RASAL2: variants seen among roughly 807,000 people sequenced by gnomAD.
RASAL2 encodes RAS protein activator like 2.
A neutral mutation model predicts 128.9 loss-of-function variants in RASAL2; 58 were observed. That is an observed-to-expected ratio of 0.45 (90% confidence interval 0.36 to 0.56). The LOEUF (loss-of-function observed/expected upper bound fraction) is 0.56. RASAL2 is among the 20% of genes least tolerant of loss of function. The pLI, the probability that RASAL2 is intolerant of heterozygous loss-of-function variation, is 0.00. For synonymous variants in RASAL2, 561 were observed against 580.8 expected (o/e 0.97, Z 0.49); for missense variants, 1,360 against 1,601.6 (o/e 0.85, Z 2.57).
chr1:178,163,815 T>C (rs1661420046), intron 1 of RASAL2, among the ~76,000 whole-genome samples: 1 of 152,166 alleles, frequency 6.6e-6, no homozygotes, highest in Non-Finnish European at 1.5e-5. Context: ...ATAAAACCAT[T>C]TGGGATTTTA....
chr1:178,280,776 G>T (rs928455184), intron 1 of RASAL2, among the ~76,000 whole-genome samples: 1 of 152,068 alleles, frequency 6.6e-6, no homozygotes, highest in African/African-American at 2.4e-5. Flanking sequence ...AGATTCTTCT[G>T]TGTGATTCTA....
At chr1:178,411,651 C>T in intron 4 of RASAL2, 1 of 805,758 alleles carries the variant, frequency 1.2e-6, no homozygotes. Flanking sequence ...TTGGTGTCTG[C>T]CATATCTTTG....
rs533342466 is a variant in RASAL2, at chr1:178,157,134, C to G, written c.202+62440C>G. On this transcript the variant is annotated intron_variant, in intron 1 of 17. Transcript: ENST00000367649. ...ATATATTGACTTCCTGAACTCTCTT[C>G]TGCATATGGAACTGAATTTTCCATG... Among the ~76,000 whole-genome samples, 3 of 152,300 alleles carry G rather than the reference C, an allele frequency of 2.0e-5. No individual in the cohort carries two copies. In the South Asian group the frequency reaches 6.2e-4, roughly 32 times the overall value.
intron 15 of RASAL2, among the ~76,000 whole-genome samples, chr1:178,464,887 A>G (rs948544698): frequency 3.2e-5 from 4 of 123,184 alleles, no homozygotes; most frequent in East Asian, 2.3e-4. Flanking sequence ...GTATAGCTCT[A>G]TAAATGACTG....
chr1:178,211,269 T>C (rs1663246031), intron 1 of RASAL2, among the ~76,000 whole-genome samples: 1 of 152,156 alleles, frequency 6.6e-6, no homozygotes, highest in Non-Finnish European at 1.5e-5. Context: ...CAGCTCTGAC[T>C]CCACTCTTAG....
intron 3 of RASAL2, among the ~76,000 whole-genome samples, chr1:178,381,228 G>A (rs1672264964): frequency 2.0e-5 from 3 of 152,142 alleles, no homozygotes; most frequent in Admixed American, 1.3e-4. Context: ...ATGTTTTAGG[G>A]AGATTAATCT....
intron 3 of RASAL2, among the ~76,000 whole-genome samples, chr1:178,327,431 A>G (rs2862378): frequency 0.25 from 37,981 of 151,974 alleles, 7,563 homozygotes; most frequent in African/African-American, 0.55. Context: ...CTGCAGCCTC[A>G]ACCTCTTGAG....
At chr1:178,102,241 C>T (rs1000428767) in intron 1 of RASAL2, among the ~76,000 whole-genome samples, 2 of 152,162 alleles carry the variant, frequency 1.3e-5, no homozygotes, top group Admixed American at 6.5e-5. Flanking sequence ...TTGTGCTTAA[C>T]ATAAAGAATT....
At chr1:178,276,519 G>GTT (rs199980160) in intron 1 of RASAL2, among the ~76,000 whole-genome samples, 36 of 144,496 alleles carry the variant, frequency 2.5e-4, no homozygotes, top group East Asian at 1.6e-3. Context: ...CAATTTTTTT[G>GTT]TTTTTTTTTT....
intron 4 of RASAL2, among the ~76,000 whole-genome samples, chr1:178,412,955 T>C (rs1674496999): frequency 6.6e-6 from 1 of 151,926 alleles, no homozygotes; most frequent in Non-Finnish European, 1.5e-5. Context: ...GCTTTCTTTC[T>C]CTTTCTTTTT....
chr1:178,103,222 T>G (rs1235356816), intron 1 of RASAL2, among the ~76,000 whole-genome samples: 1 of 152,128 alleles, frequency 6.6e-6, no homozygotes, highest in Non-Finnish European at 1.5e-5. Flanking sequence ...CTCAGATATA[T>G]TTTCCTTTCA....
Position 178,102,703 on chromosome 1 carries a change from T to C in RASAL2, c.202+8009T>C, listed in dbSNP as rs1347087377. 4.6e-5 allele frequency among the ~76,000 whole-genome samples: 7 copies of C among 152,360 alleles called. No homozygotes were observed. In the East Asian group the frequency reaches 1.2e-3, roughly 25 times the overall value. Reference sequence around the variant, plus strand: ...AACACATTTTTTTAAATATGTTATTTATTTTAAAAAATAGGTAATATATTC... The same window carrying C: ...AACACATTTTTTTAAATATGTTATTCATTTTAAAAAATAGGTAATATATTC... On this transcript the variant is annotated intron_variant, in intron 1 of 17. Transcript: ENST00000367649.
intron 1 of RASAL2, among the ~76,000 whole-genome samples, chr1:178,271,881 G>A (rs1033288791): frequency 6.6e-6 from 1 of 152,024 alleles, no homozygotes; most frequent in East Asian, 1.9e-4. Context: ...TGCTTCAGCC[G>A]TAGGGCCCCC....
At chr1:178,126,326 G>A (rs1359195403) in intron 1 of RASAL2, among the ~76,000 whole-genome samples, 2 of 152,150 alleles carry the variant, frequency 1.3e-5, no homozygotes, top group Middle Eastern at 3.2e-3. Context: ...TATTTTTTAA[G>A]ATTGTAGACA....
chr1:178,382,076 C>T (rs1672315284), intron 3 of RASAL2, among the ~76,000 whole-genome samples: 1 of 152,134 alleles, frequency 6.6e-6, no homozygotes, highest in Non-Finnish European at 1.5e-5. Flanking sequence ...CTTTTTATCT[C>T]TGTTCATCTC....
At chr1:178,440,927 ACT>A (rs1367557400) in intron 6 of RASAL2, among the ~76,000 whole-genome samples, 1 of 141,694 alleles carries the variant, frequency 7.1e-6, no homozygotes, top group Non-Finnish European at 1.6e-5. Context: ...TGTTTCAGAA[ACT>A]CTCATCCTTT....
chr1:178,236,426 C>G (rs893091508), intron 1 of RASAL2, among the ~76,000 whole-genome samples: 5 of 152,146 alleles, frequency 3.3e-5, no homozygotes, highest in Non-Finnish European at 4.4e-5. Flanking sequence ...AGACTAGCCA[C>G]TAAAAACCTG....
chr1:178,466,140 A>C lies in RASAL2; in HGVS notation c.3590+18A>C. 2 of 1,534,544 alleles carry C rather than the reference A, an allele frequency of 1.3e-6. No homozygotes were observed. The highest frequency in any genetic ancestry group is 1.8e-6 in the Non-Finnish European group (2 of 1,140,984). ...ATCAGCAGGTTAGACATCACCTGGC[A>C]GCAGATGTGGGCTAGTTAGCAAGAC... On this transcript the variant is annotated intron_variant, in intron 16 of 17. Coordinates refer to ENST00000367649, the MANE Select transcript of RASAL2 (RefSeq NM_170692.4).
intron 1 of RASAL2, among the ~76,000 whole-genome samples, chr1:178,213,463 G>A (rs1434970807): frequency 2.0e-5 from 3 of 152,046 alleles, no homozygotes; most frequent in Non-Finnish European, 2.9e-5. Context: ...ATTAATGGCA[G>A]CTTTATCATA....
Sources: allele counts gnomAD v4.1 joint callset (sites outside exome capture counted in the v4.1 genomes callset), GRCh38; gene constraint gnomAD v4.1.1; transcripts MANE v1.5; gene names NCBI Gene and HGNC (gene_info 2026-07-23, HGNC 2026-07-21).